RNF25: variants seen among roughly 807,000 people sequenced by gnomAD.
RNF25 encodes E3 ubiquitin-protein ligase RNF25.
A neutral mutation model predicts 65.0 loss-of-function variants in RNF25; 32 were observed. The observed-to-expected ratio is 0.49, with a 90% CI of 0.37 to 0.66. The LOEUF (loss-of-function observed/expected upper bound fraction) is 0.66. Ranked by LOEUF, RNF25 falls within the 30% of genes least tolerant of loss-of-function variation. RNF25 has a pLI of 0.00. For synonymous variants in RNF25, 207 were observed against 221.2 expected, an observed-to-expected ratio of 0.94 and a Z score of 0.57; for missense variants, 493 against 584.8, an observed-to-expected ratio of 0.84 and a Z score of 1.62.
intron 1 of RNF25, 62 bp from the exon 2 acceptor site, chr2:218,668,741 C>T: frequency 8.7e-7 from 1 of 1,147,222 alleles, no homozygotes; most frequent in Admixed American, 1.7e-5. Context: ...CCTGCTAAGG[C>T]CAATAAAGGC....
chr2:218,670,893 C>A (rs1360359657), intron 1 of RNF25, among the ~76,000 whole-genome samples: 1 of 152,032 alleles, frequency 6.6e-6, no homozygotes, highest in Non-Finnish European at 1.5e-5. Context: ...GAAAAGGAGG[C>A]CGGGTGTGGT....
chr2:218,671,825 C>T, intron 1 of RNF25, 105 bp downstream of exon 1: 2 of 1,254,718 alleles, frequency 1.6e-6, no homozygotes, highest in Non-Finnish European at 2.3e-6. Flanking sequence ...CATCCCTCAT[C>T]CCTCGCTCCA....
chr2:218,665,990 G>A lies in RNF25; in HGVS notation c.499C>T (p.Gln167Ter). The A allele has an allele frequency of 6.2e-7, 1 of 1,614,156 alleles. No individual in the cohort carries two copies. The highest frequency in any genetic ancestry group is 8.5e-7 in the Non-Finnish European group (1 of 1,180,016). ...GCCTTCAGCTCTTGCTCCATGTGCT[G>A]GATGTACCGAGCAAGGCAGTGGCAG... The part of the protein sequence containing the change: ...FHCHCLARYI[Q>*]HMEQELKAQG... Residue 167 changes from glutamine (Q) to a stop codon, truncating the protein, a stop_gained, in exon 7 of 10, where the codon CAG becomes TAG. Coordinates refer to ENST00000295704, the MANE Select transcript of RNF25 (RefSeq NM_022453.3). LOFTEE classifies it high-confidence loss of function.
rs1434770475 is a variant in RNF25 at position 218,668,658 on chromosome 2, T to C, written c.63A>G (p.Glu21=). Residue 21 remains glutamate, a synonymous_variant, in exon 2 of 10, where the codon GAA becomes GAG. Coordinates refer to ENST00000295704, the MANE Select transcript of RNF25 (RefSeq NM_022453.3). The part of the protein sequence containing the change: ...EEDWVLPSEV[E]VLESIYLDEL... ...CATCTAGATAGATGGACTCCAATAC[T>C]TCAACTTCAGAGGGAAGGACCCTAG... is the stretch of plus-strand genomic sequence containing the variant. 2 of 1,610,668 alleles carry C rather than the reference T, an allele frequency of 1.2e-6. No individual in the cohort carries two copies. Among genetic ancestry groups the C allele is most frequent in the Admixed American group, 3.3e-5 (2 of 60,016 alleles).
rs749464040 is a variant in RNF25 at position 218,664,821 on chromosome 2, C to T, written c.719G>A (p.Arg240Gln). Residue 240 changes from arginine to glutamine, a missense_variant, in exon 9 of 10, where the codon CGG becomes CAG. Arg to Gln is a conservative substitution (Grantham distance 43). Transcript: ENST00000295704. This position sits in a 1 kb window ranked among gnomAD's most constrained non-coding sequence, Gnocchi z 5.1. ...CCGCTCCTGCTGCCTCTGGTAGAGCCGCTTGCGTTCTTCTTGCTGGCGCAA... is the reference window on the plus strand; with the variant it reads ...CCGCTCCTGCTGCCTCTGGTAGAGCTGCTTGCGTTCTTCTTGCTGGCGCAA... ...ESLRQQEERK[R>Q]LYQRQQERGG... is the part of the protein sequence containing the mutation. The T allele has an allele frequency of 1.8e-5, 29 of 1,614,256 alleles. 1 individual carries two copies. The South Asian group carries it at 2.2e-4, about 12-fold the overall frequency.
intron 1 of RNF25, 30 bp from the exon 2 acceptor site, chr2:218,668,709 A>G (rs763578756): frequency 6.8e-7 from 1 of 1,476,844 alleles, no homozygotes; most frequent in East Asian, 2.3e-5. Flanking sequence ...CTAACTTACC[A>G]TTACAGCTCT....
chr2:218,666,265 G>C (rs745584461), intron 5 of RNF25, 35 bp from the exon 6 acceptor site: 7 of 1,560,414 alleles, frequency 4.5e-6, no homozygotes, highest in Middle Eastern at 1.7e-4. Flanking sequence ...ACGGGGGTAG[G>C]GGGAAGAACG....
rs201034490 is a variant in RNF25, at chr2:218,665,120, T to C, written c.666+35A>G. The stretch of plus-strand genomic sequence containing the variant: ...TTCCTTACTCTTTAGAAAATACCAT[T>C]ACTCCTGGCTCAGATTGGAAAAAAG... On this transcript the variant is annotated intron_variant, in intron 8 of 9. Coordinates refer to ENST00000295704, the MANE Select transcript of RNF25 (RefSeq NM_022453.3). The C allele has an allele frequency of 3.1e-6, 5 of 1,590,932 alleles. No homozygotes were observed. The East Asian group carries it at 6.7e-5, about 21-fold the overall frequency.
intron 1 of RNF25, among the ~76,000 whole-genome samples, chr2:218,670,900 TG>T (rs1186757102): frequency 1.3e-5 from 2 of 151,840 alleles, no homozygotes; most frequent in African/African-American, 4.8e-5. Flanking sequence ...AGGCCGGGTG[TG>T]GTGGCTCACG....
rs866556006 is a variant in RNF25 at position 218,664,733 on chromosome 2, C to T, written c.801+6G>A. On this transcript the variant is annotated splice_donor_region_variant and intron_variant, in intron 9 of 9. Transcript: ENST00000295704. This position sits in a 1 kb window ranked among gnomAD's most constrained non-coding sequence, Gnocchi z 5.1. ...TTACAGGACAACTGGGAAGCCCTTCCCTCACCTGCTGAAGGCTGATGAAGT... is the reference window on the plus strand; with the variant it reads ...TTACAGGACAACTGGGAAGCCCTTCTCTCACCTGCTGAAGGCTGATGAAGT... The T allele has an allele frequency of 6.2e-7, 1 of 1,614,180 alleles. No individual in the cohort carries two copies. Among genetic ancestry groups the T allele is most frequent in the Non-Finnish European group, 8.5e-7 (1 of 1,180,010 alleles).
At chr2:218,666,261 G>T in intron 5 of RNF25, 31 bp from the exon 6 acceptor site, 7 of 1,578,816 alleles carry the variant, frequency 4.4e-6, no homozygotes, top group Non-Finnish European at 6.1e-6. Context: ...TTAAACGGGG[G>T]TAGGGGGAAG....
chr2:218,665,742 C>CA lies in RNF25; in HGVS notation c.573+173dup, dbSNP rs149931732. On this transcript the variant is annotated intron_variant, in intron 7 of 9. Coordinates refer to ENST00000295704, the MANE Select transcript of RNF25 (RefSeq NM_022453.3). ...TGGGTGGCAGAGTGAGACTCCATCT[C>CA]AAAAAAAAAAAAAAAGGATGCCCTT... Among the ~76,000 whole-genome samples the CA allele has an allele frequency of 2.9e-3, 238 of 83,196 alleles. 1 individual carries two copies. Among genetic ancestry groups the CA allele is most frequent in the East Asian group, 7.8e-3 (23 of 2,948 alleles). 54.6% of individuals were successfully genotyped at this position (83,196 alleles called of 152,430 possible).
chr2:218,668,387 T>C, intron 2 of RNF25, 46 bp from the exon 3 acceptor site: 1 of 1,339,436 alleles, frequency 7.5e-7, no homozygotes. Context: ...GGGTAGGGGC[T>C]TGGGGGCTGG....
intron 2 of RNF25, 84 bp from the exon 3 acceptor site, chr2:218,668,425 G>A: frequency 9.3e-7 from 1 of 1,070,634 alleles, no homozygotes; most frequent in South Asian, 1.3e-5. Flanking sequence ...CAGTGAAGTG[G>A]GCAAAGGAAG....
rs748404354 is a variant in RNF25 at position 218,671,963 on chromosome 2, G to A, written c.8C>T (p.Ala3Val). 38 of 1,613,854 alleles carry A rather than the reference G, an allele frequency of 2.4e-5. No homozygotes were observed. Among genetic ancestry groups the A allele is most frequent in the Admixed American group, 3.3e-5 (2 of 60,006 alleles). The change falls in exon 1 of 10, where the codon GCG (alanine) becomes GTG (valine). Residue 3 changes from alanine (A) to valine (V), a missense_variant. Around this residue, in one of 3 missense-constraint regions of RNF25, gnomAD observed 34 missense variants for 18.6 expected, o/e 1.83. Transcript: ENST00000295704. MA[A>V]SASAAAGEED... ...CTCCCCTGCAGCTGCAGACGCAGAC[G>A]CCGCCATATCTTCACCGGCCCGCAG...
At chr2:218,671,693 C>A (rs1053494088) in intron 1 of RNF25, among the ~76,000 whole-genome samples, 6 of 152,156 alleles carry the variant, frequency 3.9e-5, no homozygotes, top group Admixed American at 1.3e-4. Context: ...GGGATCGAAC[C>A]GGATGCGGCG....
Position 218,664,213 on chromosome 2 carries a change from G to A in RNF25, c.1124C>T (p.Pro375Leu), listed in dbSNP as rs141803786. 9.4e-5 allele frequency: 150 copies of A among 1,597,654 alleles called. No individual in the cohort carries two copies. In the African/African-American group the frequency reaches 1.8e-3, roughly 20 times the overall value. The change falls in exon 10 of 10, where the codon CCT (proline) becomes CTT (leucine). Residue 375 changes from proline to leucine, a missense_variant. By Grantham distance (98) the Pro-to-Leu change is moderately conservative. This residue lies in a region of RNF25 where 351 missense variants were observed against 400.2 expected (regional missense o/e 0.88). Coordinates refer to ENST00000295704, the MANE Select transcript of RNF25 (RefSeq NM_022453.3). This position sits in a 1 kb window ranked among gnomAD's most constrained non-coding sequence, Gnocchi z 5.1. ...CATGGGCTCCTTGAGGGGCCCCTCAGGAGGTGGCAGTTCCTGGGTGTCACG... is the reference window on the plus strand; with the variant it reads ...CATGGGCTCCTTGAGGGGCCCCTCAAGAGGTGGCAGTTCCTGGGTGTCACG... The part of the protein sequence containing the change: ...GTRDTQELPP[P>L]EGPLKEPMDL...
intron 5 of RNF25, 102 bp from the exon 6 acceptor site, chr2:218,666,332 A>T (rs1939826409): frequency 2.2e-6 from 2 of 919,996 alleles, no homozygotes; most frequent in African/African-American, 3.3e-5. Context: ...GGCTCCTAGC[A>T]GGCCAGTTTG....
intron 5 of RNF25, among the ~76,000 whole-genome samples, chr2:218,666,585 A>G (rs1479697998): frequency 1.3e-5 from 2 of 152,250 alleles, no homozygotes; most frequent in Non-Finnish European, 2.9e-5. Context: ...GCCCCCTTCA[A>G]TATCACTCCC....
Sources: allele counts gnomAD v4.1 joint callset (sites outside exome capture counted in the v4.1 genomes callset), GRCh38; gene constraint gnomAD v4.1.1; regional missense constraint gnomAD v4.1.1; non-coding constraint Gnocchi (gnomAD v3.1); transcripts MANE v1.5; gene names NCBI Gene and HGNC (gene_info 2026-07-23, HGNC 2026-07-21).